ATXN1: variants seen among roughly 807,000 people sequenced by gnomAD.
The protein encoded by ATXN1 is ataxin-1.
Under a neutral mutation model 56.4 loss-of-function variants are expected in ATXN1, and 8 were observed. The observed-to-expected ratio is 0.14, with a 90% CI of 0.08 to 0.26. The LOEUF (loss-of-function observed/expected upper bound fraction) is 0.26, where lower values mean the gene tolerates loss of function less well. ATXN1 is among the 10% of genes least tolerant of loss of function. ATXN1 has a pLI of 1.00. For missense variants in ATXN1, 987 were observed against 1,106.5 expected (o/e 0.89, Z 1.53); for synonymous variants, 514 against 494.6 (o/e 1.04, Z -0.52).
intron 6 of ATXN1, among the ~76,000 whole-genome samples, chr6:16,399,498 C>T (rs1051296980): frequency 7.9e-5 from 12 of 152,134 alleles, no homozygotes; most frequent in Non-Finnish European, 1.8e-4. Context: ...ACAGAAATAG[C>T]GAAAAGAGTG....
chr6:16,759,797 T>C (rs1761012705), intron 1 of ATXN1, among the ~76,000 whole-genome samples: 1 of 151,934 alleles, frequency 6.6e-6, no homozygotes, highest in Admixed American at 6.6e-5. Context: ...AAAACCTGAA[T>C]TGTTTCATCC....
At chr6:16,605,084 G>A (rs898687693) in intron 3 of ATXN1, among the ~76,000 whole-genome samples, 2 of 152,196 alleles carry the variant, frequency 1.3e-5, no homozygotes, top group Admixed American at 6.5e-5. Flanking sequence ...TTGCAATGGT[G>A]TAAAAGTAAT....
At chr6:16,558,881 C>T (rs575251764) in intron 4 of ATXN1, among the ~76,000 whole-genome samples, 1 of 151,442 alleles carries the variant, frequency 6.6e-6, no homozygotes, top group South Asian at 2.1e-4. Flanking sequence ...TAGCATAAGA[C>T]AAAAGGACTA....
intron 6 of ATXN1, among the ~76,000 whole-genome samples, chr6:16,441,608 A>G (rs1169340683): frequency 6.6e-6 from 1 of 152,220 alleles, no homozygotes; most frequent in Non-Finnish European, 1.5e-5. Context: ...ATAAAGGAAC[A>G]CTAATCCCAA....
intron 3 of ATXN1, among the ~76,000 whole-genome samples, chr6:16,650,655 C>T (rs568330395): frequency 2.0e-5 from 3 of 152,288 alleles, no homozygotes; most frequent in South Asian, 2.1e-4. Flanking sequence ...TGCAGTGAAC[C>T]GTAACCTACC....
chr6:16,612,983 T>G (rs1763138552), intron 3 of ATXN1, among the ~76,000 whole-genome samples: 1 of 150,370 alleles, frequency 6.7e-6, no homozygotes, highest in Non-Finnish European at 1.5e-5. Context: ...AAAATTATTT[T>G]GGCCGGGCGC....
intron 3 of ATXN1, among the ~76,000 whole-genome samples, chr6:16,627,324 A>T (rs1249647558): frequency 2.6e-5 from 4 of 152,172 alleles, no homozygotes; most frequent in Non-Finnish European, 1.5e-5. Flanking sequence ...GATGGCACAG[A>T]GGTGTGTCTG....
At chr6:16,309,174 G>A (rs189200987) in intron 7 of ATXN1, among the ~76,000 whole-genome samples, 406 of 150,522 alleles carry the variant, frequency 2.7e-3, no homozygotes, top group African/African-American at 8.8e-3. Context: ...GTTGCAGTGA[G>A]CTATGATCAC....
chr6:16,562,036 A>G (rs1433544267), intron 4 of ATXN1, among the ~76,000 whole-genome samples: 1 of 152,192 alleles, frequency 6.6e-6, no homozygotes, highest in African/African-American at 2.4e-5. Flanking sequence ...AAATGATCAG[A>G]GCAGTAGAGG....
intron 3 of ATXN1, among the ~76,000 whole-genome samples, chr6:16,610,365 T>A (rs1763082262): frequency 1.3e-5 from 2 of 151,892 alleles, no homozygotes; most frequent in Admixed American, 1.3e-4. Flanking sequence ...AAAACTTCCA[T>A]CTATTTATTT....
intron 3 of ATXN1, among the ~76,000 whole-genome samples, chr6:16,610,223 A>G (rs1763079294): frequency 6.6e-6 from 1 of 152,078 alleles, no homozygotes; most frequent in Non-Finnish European, 1.5e-5. Context: ...ATAATGAAAG[A>G]AAATTTTTCT....
In ATXN1 at chr6:16,326,376, C is replaced by G; in HGVS notation, c.1917+18G>C. 6.2e-7 allele frequency: 1 copy of G among 1,610,906 alleles called. No individual in the cohort carries two copies. The highest frequency in any genetic ancestry group is 8.5e-7 in the Non-Finnish European group (1 of 1,178,584). On this transcript the variant is annotated intron_variant, in intron 7 of 7. Coordinates refer to ENST00000436367, the MANE Select transcript of ATXN1 (RefSeq NM_001128164.2). This position sits in a 1 kb window ranked among gnomAD's most constrained non-coding sequence, Gnocchi z 6.6. ...ACGGTGTGGTGTCCCATCCCTGTGC[C>G]ACCCTGGCTAACGTTACCTGGGCTC...
intron 3 of ATXN1, among the ~76,000 whole-genome samples, chr6:16,624,934 C>T (rs889045687): frequency 2.6e-5 from 4 of 152,176 alleles, no homozygotes; most frequent in African/African-American, 7.2e-5. Context: ...TGCCACTGAT[C>T]GCAGAATGCA....
At chr6:16,626,252 C>A (rs1763404350) in intron 3 of ATXN1, among the ~76,000 whole-genome samples, 2 of 152,066 alleles carry the variant, frequency 1.3e-5, no homozygotes, top group South Asian at 4.2e-4. Flanking sequence ...ACTTGGTAAC[C>A]AATATAATCT....
At chr6:16,398,298 G>A (rs1274201133) in intron 6 of ATXN1, among the ~76,000 whole-genome samples, 2 of 152,110 alleles carry the variant, frequency 1.3e-5, no homozygotes, top group African/African-American at 4.8e-5. Context: ...AATTCCTAAA[G>A]ATGTCCTAGG....
intron 7 of ATXN1, among the ~76,000 whole-genome samples, chr6:16,322,516 C>A (rs892763403): frequency 6.6e-6 from 1 of 152,208 alleles, no homozygotes; most frequent in Non-Finnish European, 1.5e-5. Flanking sequence ...TCTTCCACAA[C>A]TTCCCCAATC....
chr6:16,421,166 C>T lies in ATXN1; in HGVS notation c.-161+64806G>A, dbSNP rs60377551. Reference sequence around the variant, plus strand: ...CTTCCAACTTAAGTTGCCAGGGTAGCATGAGCTTTTTAAAAACAGTTGTTT... The same window carrying T: ...CTTCCAACTTAAGTTGCCAGGGTAGTATGAGCTTTTTAAAAACAGTTGTTT... On this transcript the variant is annotated intron_variant, in intron 6 of 7. Coordinates refer to ENST00000436367, the MANE Select transcript of ATXN1 (RefSeq NM_001128164.2). Among the ~76,000 whole-genome samples the T allele has an allele frequency of 3.4e-3, 524 of 152,148 alleles. 4 individuals carry two copies. The highest frequency in any genetic ancestry group is 0.012 in the African/African-American group (489 of 41,538).
At chr6:16,605,966 A>C (rs1264742936) in intron 3 of ATXN1, among the ~76,000 whole-genome samples, 1 of 152,104 alleles carries the variant, frequency 6.6e-6, no homozygotes, top group African/African-American at 2.4e-5. Flanking sequence ...AACTTTACAA[A>C]TAATGTTTAA....
chr6:16,398,961 C>G (rs1581736371), intron 6 of ATXN1, among the ~76,000 whole-genome samples: 1 of 152,220 alleles, frequency 6.6e-6, no homozygotes, highest in African/African-American at 2.4e-5. Flanking sequence ...GGCCCTCCAA[C>G]GTGGACTCAC....
Sources: gnomAD v4.1 joint callset for allele counts (sites outside exome capture counted in the v4.1 genomes callset) on GRCh38, gnomAD v4.1.1 for gene constraint, Gnocchi (gnomAD v3.1) non-coding constraint, MANE v1.5 for transcripts, NCBI Gene and HGNC (gene_info 2026-07-23, HGNC 2026-07-21) for gene names.